Variants in DLGAP2 observed in about 807,000 individuals in gnomAD.
The protein encoded by DLGAP2 is DLG associated protein 2.
A neutral mutation model predicts 100.3 loss-of-function variants in DLGAP2; 26 were observed. That is an observed-to-expected ratio of 0.26 (90% CI 0.19 to 0.36). The LOEUF is 0.36. DLGAP2 is among the 10% of genes least tolerant of loss of function. The pLI is 1.00. For synonymous variants in DLGAP2, 886 were observed against 630.1 expected (o/e 1.41, Z -6.08); for missense variants, 1,858 against 1,453.2 (o/e 1.28, Z -4.53).
intron 1 of DLGAP2, among the ~76,000 whole-genome samples, chr8:837,200 C>G (rs1160031105): frequency 5.9e-5 from 9 of 152,288 alleles, no homozygotes; most frequent in African/African-American, 1.9e-4. Flanking sequence ...CTCGGGATCT[C>G]GCGGGCCGTG....
chr8:970,128 A>G (rs1799977484), intron 2 of DLGAP2, among the ~76,000 whole-genome samples: 1 of 151,994 alleles, frequency 6.6e-6, no homozygotes, highest in African/African-American at 2.4e-5. Flanking sequence ...ACCGGCATTC[A>G]TTTTGGAGCT....
chr8:1,391,136 C>A (rs1028367292), intron 3 of DLGAP2, among the ~76,000 whole-genome samples: 12 of 152,196 alleles, frequency 7.9e-5, no homozygotes, highest in Admixed American at 1.3e-4. Flanking sequence ...GCAGAAATGT[C>A]TGGGGATAAT....
intron 1 of DLGAP2, among the ~76,000 whole-genome samples, chr8:901,384 A>G (rs1798247799): frequency 6.6e-6 from 1 of 152,262 alleles, no homozygotes; most frequent in Non-Finnish European, 1.5e-5. Flanking sequence ...TCTTCCAAAG[A>G]AAGTTAACAG....
intron 2 of DLGAP2, among the ~76,000 whole-genome samples, chr8:1,044,841 T>G (rs115589501): frequency 1.3e-5 from 2 of 152,210 alleles, no homozygotes; most frequent in African/African-American, 4.8e-5. Flanking sequence ...CCCACCCACG[T>G]GCTTCCTCAG....
At position 927,023 on chromosome 8, in the gene DLGAP2, G is replaced by T. The variant is rs1009472654; in HGVS notation, c.73+19057G>T. The T allele has an allele frequency of 5.1e-6, 5 of 985,328 alleles. No individual in the cohort carries two copies. The South Asian group carries it at 2.3e-4, about 46-fold the overall frequency. 61.0% of individuals were successfully genotyped at this position (985,328 alleles called of 1,614,324 possible). Reference sequence around the variant, plus strand: ...GACCCCCCGCCGAGAAAGAGAAAGAGCTCAGAGCCGGGGACTGGAGGCCTG... The same window carrying T: ...GACCCCCCGCCGAGAAAGAGAAAGATCTCAGAGCCGGGGACTGGAGGCCTG... On this transcript the variant is annotated intron_variant, in intron 2 of 14. Transcript: ENST00000637795.
At chr8:1,694,238 G>T (rs1322496679) in intron 13 of DLGAP2, among the ~76,000 whole-genome samples, 1 of 152,170 alleles carries the variant, frequency 6.6e-6, no homozygotes. Flanking sequence ...AGGGAGGGGT[G>T]GTGCCTGAGA....
intron 2 of DLGAP2, among the ~76,000 whole-genome samples, chr8:915,248 C>G (rs898810159): frequency 6.6e-6 from 1 of 152,212 alleles, no homozygotes; most frequent in African/African-American, 2.4e-5. Flanking sequence ...GAGGGAACAT[C>G]TGTGAAACCC....
At chr8:1,560,565 A>G (rs961703427) in intron 5 of DLGAP2, among the ~76,000 whole-genome samples, 10 of 152,166 alleles carry the variant, frequency 6.6e-5, no homozygotes, top group African/African-American at 2.4e-4. Context: ...TCATGGAAGG[A>G]AAGTTGCCCA....
At chr8:1,540,817 C>A (rs1051158162) in intron 4 of DLGAP2, among the ~76,000 whole-genome samples, 1 of 152,218 alleles carries the variant, frequency 6.6e-6, no homozygotes, top group African/African-American at 2.4e-5. Flanking sequence ...TAATACAGTT[C>A]CACCTTTGAA....
rs542053900 is a variant in DLGAP2, at chr8:801,797, A to G, written c.18+63972A>G. 3.9e-5 allele frequency among the ~76,000 whole-genome samples: 6 copies of G among 152,254 alleles called. No homozygotes were observed. In the South Asian group the frequency reaches 1.2e-3, roughly 32 times the overall value. ...GTTTCTCTCCTGGGGGTTCACACAG[A>G]TGGTCCCTGCTCGGGGATGGCTCAC... On this transcript the variant is annotated intron_variant, in intron 1 of 14. Coordinates refer to ENST00000637795, the MANE Select transcript of DLGAP2 (RefSeq NM_001346810.2).
intron 4 of DLGAP2, among the ~76,000 whole-genome samples, chr8:1,513,783 T>G (rs1021414788): frequency 4.6e-5 from 7 of 152,170 alleles, no homozygotes; most frequent in African/African-American, 1.7e-4. Context: ...CTGGGCACCC[T>G]TCCCCCAGTT....
At chr8:1,007,419 A>G (rs1031015813) in intron 2 of DLGAP2, among the ~76,000 whole-genome samples, 7 of 152,208 alleles carry the variant, frequency 4.6e-5, no homozygotes, top group Non-Finnish European at 1.0e-4. Context: ...ACCTTTGAAT[A>G]TTGGCCATCA....
At chr8:1,455,036 A>AG (rs528316235) in intron 3 of DLGAP2, among the ~76,000 whole-genome samples, 204 of 150,592 alleles carry the variant, frequency 1.4e-3, no homozygotes, top group South Asian at 9.9e-3. Flanking sequence ...GGGTCTGGGG[A>AG]GGGGGGGATA....
chr8:925,001 T>C (rs536204773), intron 2 of DLGAP2, among the ~76,000 whole-genome samples: 1 of 152,110 alleles, frequency 6.6e-6, no homozygotes, highest in South Asian at 2.1e-4. Flanking sequence ...TTGCTTGCTA[T>C]TGGTGTATTG....
chr8:808,652 A>G (rs1236387010), intron 1 of DLGAP2, among the ~76,000 whole-genome samples: 1 of 152,108 alleles, frequency 6.6e-6, no homozygotes, highest in Non-Finnish European at 1.5e-5. Context: ...GCTCCTGCCC[A>G]CCCAGGGTGG....
chr8:1,579,684 C>T (rs1381828034), intron 6 of DLGAP2, among the ~76,000 whole-genome samples: 1 of 152,146 alleles, frequency 6.6e-6, no homozygotes, highest in Admixed American at 6.5e-5. Flanking sequence ...GTTTGGAGAG[C>T]ATGCCATTTA....
chr8:974,006 A>C (rs1358114459), intron 2 of DLGAP2, among the ~76,000 whole-genome samples: 2 of 152,070 alleles, frequency 1.3e-5, no homozygotes, highest in East Asian at 3.9e-4. Context: ...ATGGAACAGA[A>C]TATTGAAGAA....
chr8:1,311,052 A>G (rs1376207074), intron 3 of DLGAP2, among the ~76,000 whole-genome samples: 1 of 152,194 alleles, frequency 6.6e-6, no homozygotes, highest in African/African-American at 2.4e-5. Flanking sequence ...ACAAAGAAAA[A>G]AAAAAGAGAA....
chr8:926,958 G>A (rs1798829435), intron 2 of DLGAP2: 1 of 913,250 alleles, frequency 1.1e-6, no homozygotes, highest in Admixed American at 6.2e-5. Flanking sequence ...GTGGGGGTGG[G>A]GACAGCGTGG....
Sources: allele counts gnomAD v4.1 joint callset (sites outside exome capture counted in the v4.1 genomes callset), GRCh38; gene constraint gnomAD v4.1.1; transcripts MANE v1.5; gene names NCBI Gene and HGNC (gene_info 2026-07-23, HGNC 2026-07-21).